Variants in PCDH19 observed in about 807,000 individuals in gnomAD.
The protein encoded by PCDH19 is protocadherin 19.
A neutral mutation model predicts 46.2 loss-of-function variants in PCDH19; 6 were observed. The observed-to-expected ratio is 0.13, with a 90% CI of 0.07 to 0.26. PCDH19 has a LOEUF of 0.26. PCDH19 is among the 10% of genes least tolerant of loss of function. PCDH19 has a pLI of 1.00. For missense variants in PCDH19, 740 were observed against 972.3 expected, an observed-to-expected ratio of 0.76 and a Z score of 3.18; for synonymous variants, 481 against 415.7, an observed-to-expected ratio of 1.16 and a Z score of -1.91.
intron 5 of PCDH19, among the ~76,000 whole-genome samples, chrX:100,306,803 A>G (rs1430723881): frequency 9.0e-6 from 1 of 111,394 alleles, no homozygotes; most frequent in African/African-American, 3.3e-5. Context: ...TAAACTAGAA[A>G]ACCTAGAGGA....
chrX:100,357,807 C>T (rs778112870), intron 3 of PCDH19, among the ~76,000 whole-genome samples: 1 of 112,133 alleles, frequency 8.9e-6, no homozygotes. Flanking sequence ...CATCCCTCAA[C>T]GGGACTGGAA....
At chrX:100,334,644 C>A (rs750584994) in intron 5 of PCDH19, among the ~76,000 whole-genome samples, 1 of 110,521 alleles carries the variant, frequency 9.0e-6, no homozygotes, top group South Asian at 3.9e-4. Context: ...CCCCATGATA[C>A]CCCTAATCAT....
chrX:100,386,299 G>A (rs1488588403), intron 3 of PCDH19, among the ~76,000 whole-genome samples: 1 of 111,291 alleles, frequency 9.0e-6, no homozygotes, highest in Non-Finnish European at 1.9e-5. Context: ...TCAGAGTCAG[G>A]CCTTCACACA....
At chrX:100,336,190 A>G (rs1163119215) in intron 5 of PCDH19, among the ~76,000 whole-genome samples, 1 of 112,394 alleles carries the variant, frequency 8.9e-6, no homozygotes, top group Admixed American at 9.5e-5. Flanking sequence ...TTGCAATGAC[A>G]CAAAATAGTC....
intron 3 of PCDH19, among the ~76,000 whole-genome samples, chrX:100,393,149 C>T (rs895453204): frequency 2.7e-5 from 3 of 110,796 alleles, no homozygotes; most frequent in African/African-American, 9.8e-5. Context: ...TTGGCTGCTT[C>T]CTACTCACCG....
rs1445318813 is a variant in PCDH19 at position 100,402,867 on chromosome X, G to C, written c.2289-16C>G. On this transcript the variant is annotated splice_polypyrimidine_tract_variant and intron_variant, in intron 2 of 5. Coordinates refer to ENST00000373034, the MANE Select transcript of PCDH19 (RefSeq NM_001184880.2). The stretch of plus-strand genomic sequence containing the variant: ...CTCAGCAATTCTATGTGACAGAAAA[G>C]GCAGCATGAATCACTAACACCCTCC... The C allele has an allele frequency of 8.6e-7, 1 of 1,165,112 alleles. No individual in the cohort carries two copies. Among genetic ancestry groups the C allele is most frequent in the East Asian group, 3.0e-5 (1 of 33,670 alleles).
intron 3 of PCDH19, among the ~76,000 whole-genome samples, chrX:100,364,548 C>T (rs756024204): frequency 9.0e-6 from 1 of 110,988 alleles, no homozygotes; most frequent in Non-Finnish European, 1.9e-5. Flanking sequence ...ACCCAGGATT[C>T]GCCGGTTCTG....
Position 100,408,097 on chromosome X carries a change from C to T in PCDH19, c.501G>A (p.Glu167=), listed in dbSNP as rs1928455327. 2 of 1,210,396 alleles carry T rather than the reference C, an allele frequency of 1.7e-6. No individual in the cohort carries two copies. Among genetic ancestry groups the T allele is most frequent in the Non-Finnish European group, 2.2e-6 (2 of 895,611 alleles). ...DSGSFGVQTY[E]LTPNELFGLE... ...GGCCGAACAGCTCGTTGGGCGTGAG[C>T]TCGTAAGTCTGCACGCCAAAGCTTC... Residue 167 remains glutamate, a synonymous_variant, in exon 1 of 6, where the codon GAG becomes GAA. Coordinates refer to ENST00000373034, the MANE Select transcript of PCDH19 (RefSeq NM_001184880.2).
At chrX:100,318,608 TG>T (rs1443282587) in intron 5 of PCDH19, among the ~76,000 whole-genome samples, 6 of 112,115 alleles carry the variant, frequency 5.4e-5, no homozygotes, top group Admixed American at 3.8e-4. Flanking sequence ...AAATACTATT[TG>T]GAAAGAAAGA....
At chrX:100,307,465 A>G (rs1019261132) in intron 5 of PCDH19, among the ~76,000 whole-genome samples, 1 of 111,658 alleles carries the variant, frequency 9.0e-6, no homozygotes, top group South Asian at 3.8e-4. Flanking sequence ...AGTTGAAAGC[A>G]TTCCCCCTGA....
intron 5 of PCDH19, among the ~76,000 whole-genome samples, chrX:100,332,518 A>C (rs978051066): frequency 3.6e-5 from 4 of 110,709 alleles, no homozygotes; most frequent in Non-Finnish European, 5.7e-5. Context: ...CCGTCTCAAA[A>C]AAAAAAAAAA....
intron 3 of PCDH19, among the ~76,000 whole-genome samples, chrX:100,354,327 C>T (rs1388054609): frequency 1.8e-5 from 2 of 112,051 alleles, no homozygotes; most frequent in Non-Finnish European, 3.8e-5. Context: ...CAGTGGTTCT[C>T]AGCCCTAACT....
intron 5 of PCDH19, among the ~76,000 whole-genome samples, chrX:100,300,483 C>T (rs1924741018): frequency 9.0e-6 from 1 of 111,708 alleles, no homozygotes; most frequent in Non-Finnish European, 1.9e-5. Context: ...TCTTATGAAC[C>T]TATCTGTGAC....
chrX:100,319,231 T>C (rs1156451765), intron 5 of PCDH19, among the ~76,000 whole-genome samples: 4 of 111,342 alleles, frequency 3.6e-5, no homozygotes, highest in Non-Finnish European at 5.7e-5. Flanking sequence ...AGTGGAGAAG[T>C]TGACTTGATA....
chrX:100,293,254 G>T lies in PCDH19; in HGVS notation c.*3023C>A, dbSNP rs1924483162. 8.9e-6 allele frequency: 1 copy of T among 112,054 alleles called. No homozygotes were observed. The highest frequency in any genetic ancestry group is 1.9e-5 in the Non-Finnish European group (1 of 53,236). 9.2% of individuals were successfully genotyped at this position (112,054 alleles called of 1,213,427 possible). A position where few individuals can be genotyped will look rare whatever the true frequency, so the allele number is the denominator to read the frequency against. Reference sequence around the variant, plus strand: ...TTTTGTCTAAATGAACACCTTAGGTGCAATTTTGGATGAAGAAGTATACCT... The same window carrying T: ...TTTTGTCTAAATGAACACCTTAGGTTCAATTTTGGATGAAGAAGTATACCT... On this transcript the variant is annotated 3_prime_UTR_variant, in exon 6 of 6. Transcript: ENST00000373034.
chrX:100,315,813 T>C (rs1925283739), intron 5 of PCDH19, among the ~76,000 whole-genome samples: 1 of 112,405 alleles, frequency 8.9e-6, no homozygotes, highest in South Asian at 3.7e-4. Flanking sequence ...TGCTATGGTA[T>C]GTACATGCTA....
At chrX:100,325,162 TAGATAGAC>T (rs1217830162) in intron 5 of PCDH19, among the ~76,000 whole-genome samples, 15,050 of 82,330 alleles carry the variant, frequency 0.18, 968 homozygotes, top group Non-Finnish European at 0.24. Flanking sequence ...GATAGATAGA[TAGATAGAC>T]AGATAGACAC....
intron 3 of PCDH19, among the ~76,000 whole-genome samples, chrX:100,380,829 C>T (rs1927532778): frequency 8.9e-6 from 1 of 112,362 alleles, no homozygotes; most frequent in Non-Finnish European, 1.9e-5. Context: ...CAAGTGCTTA[C>T]GCTATGTTTA....
At chrX:100,349,108 C>G (rs971505826) in intron 4 of PCDH19, among the ~76,000 whole-genome samples, 2 of 110,640 alleles carry the variant, frequency 1.8e-5, no homozygotes, top group African/African-American at 6.6e-5. Flanking sequence ...TATAGAATTC[C>G]CAGGTACCCT....
Sources: allele counts gnomAD v4.1 joint callset (sites outside exome capture counted in the v4.1 genomes callset), GRCh38; gene constraint gnomAD v4.1.1; transcripts MANE v1.5; gene names NCBI Gene and HGNC (gene_info 2026-07-23, HGNC 2026-07-21).